KCNIP4: variants seen among roughly 807,000 people sequenced by gnomAD.
KCNIP4 encodes the protein potassium voltage-gated channel interacting protein 4.
Under a neutral mutation model 34.0 loss-of-function variants are expected in KCNIP4, and 12 were observed. The observed-to-expected ratio is 0.35, with a 90% CI of 0.23 to 0.57. KCNIP4 has a LOEUF of 0.57. Ranked by LOEUF, KCNIP4 falls within the 20% of genes least tolerant of loss-of-function variation. The pLI, the probability that KCNIP4 is intolerant of heterozygous loss-of-function variation, is 0.83. For missense variants in KCNIP4, 238 were observed against 311.7 expected, an observed-to-expected ratio of 0.76 and a Z score of 1.78; for synonymous variants, 124 against 102.2, an observed-to-expected ratio of 1.21 and a Z score of -1.29.
intron 1 of KCNIP4, among the ~76,000 whole-genome samples, chr4:20,981,831 A>G (rs1308293747): frequency 2.6e-5 from 4 of 152,184 alleles, no homozygotes; most frequent in Non-Finnish European, 4.4e-5. Flanking sequence ...ATCTATAAAT[A>G]TTTATGTACA....
At chr4:21,008,690 A>AT (rs1428271619) in intron 1 of KCNIP4, among the ~76,000 whole-genome samples, 3 of 149,758 alleles carry the variant, frequency 2.0e-5, no homozygotes, top group Admixed American at 1.3e-4. Flanking sequence ...CGCCCGGCTA[A>AT]TTTTTTTGCA....
intron 1 of KCNIP4, among the ~76,000 whole-genome samples, chr4:21,199,642 T>C (rs143236171): frequency 0.024 from 3,637 of 152,338 alleles, 71 homozygotes; most frequent in Non-Finnish European, 0.039. Context: ...AAGTCCTTGC[T>C]AATGCCTATG....
At chr4:21,327,746 G>C (rs1264663708) in intron 1 of KCNIP4, among the ~76,000 whole-genome samples, 1 of 151,562 alleles carries the variant, frequency 6.6e-6, no homozygotes, top group Non-Finnish European at 1.5e-5. Flanking sequence ...AATTCTTTCT[G>C]ATGTTTTTGT....
intron 1 of KCNIP4, among the ~76,000 whole-genome samples, chr4:21,496,891 G>GC (rs1732894207): frequency 6.6e-6 from 1 of 152,058 alleles, no homozygotes; most frequent in African/African-American, 2.4e-5. Flanking sequence ...AACCATCCCC[G>GC]CCCTGCTCTG....
At chr4:20,892,321 C>A (rs558353948) in intron 1 of KCNIP4, among the ~76,000 whole-genome samples, 1 of 152,130 alleles carries the variant, frequency 6.6e-6, no homozygotes, top group East Asian at 1.9e-4. Context: ...GAGTGGCTAC[C>A]TAAATACACC....
intron 1 of KCNIP4, among the ~76,000 whole-genome samples, chr4:21,411,944 C>T (rs1470117372): frequency 6.6e-6 from 1 of 152,188 alleles, no homozygotes; most frequent in African/African-American, 2.4e-5. Context: ...CATCATAAAG[C>T]TCCTTCTAGC....
At chr4:21,647,050 G>C (rs1459283692) in intron 1 of KCNIP4, among the ~76,000 whole-genome samples, 3 of 152,074 alleles carry the variant, frequency 2.0e-5, no homozygotes, top group Non-Finnish European at 4.4e-5. Flanking sequence ...ATGGTGATTT[G>C]AGGGTGCTCC....
intron 1 of KCNIP4, among the ~76,000 whole-genome samples, chr4:21,569,267 C>CAAAAAAAAAAAA (rs1740172951): frequency 1.2e-4 from 5 of 40,364 alleles, no homozygotes; most frequent in African/African-American, 2.1e-4. Flanking sequence ...AAAAAAAAAG[C>CAAAAAAAAAAAA]TTGATTGACA....
chr4:21,893,446 A>T (rs1727218906), intron 1 of KCNIP4, among the ~76,000 whole-genome samples: 2 of 152,164 alleles, frequency 1.3e-5, no homozygotes, highest in Non-Finnish European at 1.5e-5. Flanking sequence ...AAATTGCTAG[A>T]CCTCAAGAAG....
chr4:21,427,710 G>C (rs1726055279), intron 1 of KCNIP4, among the ~76,000 whole-genome samples: 1 of 152,192 alleles, frequency 6.6e-6, no homozygotes, highest in Non-Finnish European at 1.5e-5. Flanking sequence ...AGTAGAAGGA[G>C]TGAGTAGGAG....
At chr4:20,731,157 T>G (rs1419566766) in intron 8 of KCNIP4, among the ~76,000 whole-genome samples, 4 of 152,148 alleles carry the variant, frequency 2.6e-5, no homozygotes, top group East Asian at 1.9e-4. Context: ...CAATCATGGC[T>G]CAACAGGGAT....
chr4:21,293,946 G>T (rs539708630), intron 1 of KCNIP4, among the ~76,000 whole-genome samples: 1 of 152,180 alleles, frequency 6.6e-6, no homozygotes, highest in East Asian at 1.9e-4. Context: ...GAGAGCCTTT[G>T]TTCTCCAGGT....
chr4:20,922,962 C>CGT lies in KCNIP4; in HGVS notation c.62-40255_62-40254dup, dbSNP rs144105183. On this transcript the variant is annotated intron_variant, in intron 1 of 8. Transcript: ENST00000382152. The stretch of plus-strand genomic sequence containing the variant: ...CAGTTTATAGTTAAACATGTGAGTA[C>CGT]GTGTGTGTGTGTGCGTGTGTGTGAG... 3.6e-4 allele frequency among the ~76,000 whole-genome samples: 54 copies of CGT among 151,386 alleles called. No homozygotes were observed. In the South Asian group the frequency reaches 4.4e-3, roughly 12 times the overall value.
intron 1 of KCNIP4, among the ~76,000 whole-genome samples, chr4:21,632,923 G>T (rs1745866184): frequency 6.6e-6 from 1 of 152,062 alleles, no homozygotes; most frequent in Admixed American, 6.5e-5. Flanking sequence ...TTGCATAATT[G>T]TACATAACAC....
intron 1 of KCNIP4, among the ~76,000 whole-genome samples, chr4:21,391,635 C>G (rs1194617772): frequency 6.6e-6 from 1 of 152,158 alleles, no homozygotes; most frequent in Non-Finnish European, 1.5e-5. Flanking sequence ...ACGCCATTCC[C>G]TAACCCTGTA....
rs939053867 is a variant in KCNIP4, at chr4:20,895,352, T to C, written c.62-12643A>G. 1.2e-4 allele frequency among the ~76,000 whole-genome samples: 18 copies of C among 152,132 alleles called. 1 individual carries two copies. Among genetic ancestry groups the C allele is most frequent in the Non-Finnish European group, 2.9e-5 (2 of 68,030 alleles). On this transcript the variant is annotated intron_variant, in intron 1 of 8. Transcript: ENST00000382152. ...TGCAGTAGGACATCCATCAAATTCC[T>C]GGTGGTATTAAAAAATAATAATGTG...
intron 1 of KCNIP4, among the ~76,000 whole-genome samples, chr4:21,478,706 GA>G (rs1314109591): frequency 6.6e-6 from 1 of 152,126 alleles, no homozygotes; most frequent in African/African-American, 2.4e-5. Flanking sequence ...GCAAGACGGG[GA>G]ATGCACTAAT....
intron 1 of KCNIP4, among the ~76,000 whole-genome samples, chr4:21,358,085 C>A (rs750003130): frequency 2.0e-5 from 3 of 151,988 alleles, no homozygotes; most frequent in African/African-American, 7.3e-5. Flanking sequence ...AATCAAACAC[C>A]GCCTGTTCTC....
At chr4:20,731,769 G>A in intron 8 of KCNIP4, 1 of 985,386 alleles carries the variant, frequency 1.0e-6, no homozygotes, top group South Asian at 4.7e-5. Context: ...CACAGTACAT[G>A]TACAACTTTT....
Sources: gnomAD v4.1 joint callset for allele counts (sites outside exome capture counted in the v4.1 genomes callset) on GRCh38, gnomAD v4.1.1 for gene constraint, MANE v1.5 for transcripts, NCBI Gene and HGNC (gene_info 2026-07-23, HGNC 2026-07-21) for gene names.